The following ARHGAP10 variants were observed in gnomAD, a reference collection of about 807,000 sequenced individuals.
ARHGAP10 encodes Rho GTPase activating protein 10.
A neutral mutation model predicts 108.6 loss-of-function variants in ARHGAP10; 87 were observed. The observed-to-expected ratio is 0.80, with a 90% confidence interval of 0.67 to 0.96. ARHGAP10 has a LOEUF of 0.96. ARHGAP10 is among the 40% of genes least tolerant of loss of function. ARHGAP10 has a pLI of 0.00. For synonymous variants in ARHGAP10, 347 were observed against 341.1 expected, an observed-to-expected ratio of 1.02 and a Z score of -0.19; for missense variants, 939 against 954.5, an observed-to-expected ratio of 0.98 and a Z score of 0.21.
chr4:147,784,813 TATA>T (rs1560756912), intron 1 of ARHGAP10, among the ~76,000 whole-genome samples: 1 of 25,564 alleles, frequency 3.9e-5, no homozygotes, highest in African/African-American at 6.0e-5. Context: ...TATAATATAT[TATA>T]AAATATATAT....
At chr4:147,819,636 C>T (rs1446840982) in intron 1 of ARHGAP10, among the ~76,000 whole-genome samples, 7 of 152,118 alleles carry the variant, frequency 4.6e-5, no homozygotes, top group African/African-American at 1.7e-4. Context: ...CATGCTTCGC[C>T]TCCCGGGTTC....
intron 11 of ARHGAP10, 86 bp from the exon 12 acceptor site, chr4:147,909,646 T>A (rs1736652609): frequency 8.7e-7 from 1 of 1,149,322 alleles, no homozygotes; most frequent in Non-Finnish European, 1.3e-6. Context: ...AAATGTATTT[T>A]TTTTTGTATG....
intron 10 of ARHGAP10, among the ~76,000 whole-genome samples, chr4:147,896,104 A>T (rs1735984745): frequency 6.6e-6 from 1 of 152,176 alleles, no homozygotes; most frequent in African/African-American, 2.4e-5. Flanking sequence ...TACCTGCTTC[A>T]TCCATTTTGC....
intron 1 of ARHGAP10, among the ~76,000 whole-genome samples, chr4:147,747,144 G>A (rs1156571147): frequency 2.0e-5 from 3 of 152,004 alleles, no homozygotes; most frequent in South Asian, 2.1e-4. Flanking sequence ...AGACCCAAAC[G>A]GTCCTTCATC....
chr4:147,762,629 A>C (rs1358347872), intron 1 of ARHGAP10, among the ~76,000 whole-genome samples: 1 of 151,624 alleles, frequency 6.6e-6, no homozygotes, highest in Non-Finnish European at 1.5e-5. Flanking sequence ...TCCCGGGTTC[A>C]CGCCATTCTC....
chr4:147,822,952 ATT>A lies in ARHGAP10; in HGVS notation c.308_309del (p.Ile103AsnfsTer7). ...FLKNLEEQRE[I>X]MALSVTETLI... ...GAAGAATCTGGAGGAACAGAGAGAAATTATGGTGAGTTGAGAGGGGTGTAAAT... is the reference window on the plus strand; with the variant it reads ...GAAGAATCTGGAGGAACAGAGAGAAAATGGTGAGTTGAGAGGGGTGTAAAT... On this transcript the variant is annotated frameshift_variant, in exon 3 of 23. Transcript: ENST00000336498. LOFTEE classifies it high-confidence loss of function. 1 of 1,613,092 alleles carries A rather than the reference ATT, an allele frequency of 6.2e-7. No homozygotes were observed. The highest frequency in any genetic ancestry group is 2.2e-5 in the East Asian group (1 of 44,878).
intron 1 of ARHGAP10, among the ~76,000 whole-genome samples, chr4:147,766,833 T>G (rs1184431635): frequency 3.6e-5 from 4 of 109,888 alleles, no homozygotes; most frequent in African/African-American, 1.6e-4. Context: ...TATATATATA[T>G]ATATATTTAT....
At chr4:147,951,138 C>T (rs998914729) in intron 15 of ARHGAP10, among the ~76,000 whole-genome samples, 4 of 152,228 alleles carry the variant, frequency 2.6e-5, no homozygotes, top group African/African-American at 4.8e-5. Flanking sequence ...CCTAGCTAGA[C>T]ATATGGCAAT....
intron 18 of ARHGAP10, among the ~76,000 whole-genome samples, chr4:147,988,057 T>C: frequency 6.6e-6 from 1 of 152,248 alleles, no homozygotes; most frequent in East Asian, 1.9e-4. Context: ...GTTTACTCAG[T>C]GAGTTTGGTT....
chr4:147,965,002 ATTAT>A lies in ARHGAP10; in HGVS notation c.1451-20_1451-17del. On this transcript the variant is annotated intron_variant, in intron 16 of 22. Transcript: ENST00000336498. ...TTTCTTTTTCTTTATTTTTTTCTTT[ATTAT>A]TATTTTTTTTTTGGAAGAAAGCGGC... 1 of 1,477,830 alleles carries A rather than the reference ATTAT, an allele frequency of 6.8e-7. No homozygotes were observed. The highest frequency in any genetic ancestry group is 9.1e-7 in the Non-Finnish European group (1 of 1,102,766). The allele number at this position is 1,477,830 out of a possible 1,614,324, so 91.5% of individuals were successfully genotyped here. A position where few individuals can be genotyped will look rare whatever the true frequency, so the allele number is the denominator to read the frequency against.
chr4:147,962,454 C>T (rs1560847537), intron 16 of ARHGAP10, among the ~76,000 whole-genome samples: 1 of 152,122 alleles, frequency 6.6e-6, no homozygotes, highest in South Asian at 2.1e-4. Context: ...TTTCATTTTG[C>T]AGATGAGGGA....
chr4:148,004,547 A>G (rs1273682128), intron 18 of ARHGAP10, among the ~76,000 whole-genome samples: 3 of 152,024 alleles, frequency 2.0e-5, no homozygotes, highest in Non-Finnish European at 2.9e-5. Flanking sequence ...AAATTCTCCC[A>G]TTTGCTTGGA....
chr4:147,965,091 T>A lies in ARHGAP10; in HGVS notation c.1518T>A (p.Asn506Lys), dbSNP rs1472707165. The change falls in exon 17 of 23, where the codon AAT becomes AAA. Residue 506 changes from asparagine (N) to lysine (K), a missense_variant. Physicochemically the swap from Asn to Lys is moderately conservative, Grantham distance 94. Coordinates refer to ENST00000336498, the MANE Select transcript of ARHGAP10 (RefSeq NM_024605.4). ...TGGTACACAAACTGCCAGAGAAGAA[T>A]AAAGAGATGTTGGATATTTTGGTGA... ...HFLVHKLPEK[N>K]KEMLDILVKH... 1.2e-6 allele frequency: 2 copies of A among 1,607,520 alleles called. No homozygotes were observed. The highest frequency in any genetic ancestry group is 1.7e-6 in the Non-Finnish European group (2 of 1,176,642).
chr4:147,879,413 T>C (rs1735235152), intron 9 of ARHGAP10, 75 bp downstream of exon 9: 4 of 1,265,070 alleles, frequency 3.2e-6, no homozygotes, highest in South Asian at 1.5e-5. Flanking sequence ...TTTAATGGTT[T>C]ATATTTTAAT....
At chr4:147,858,973 T>C (rs905289600) in intron 5 of ARHGAP10, among the ~76,000 whole-genome samples, 1 of 152,180 alleles carries the variant, frequency 6.6e-6, no homozygotes, top group African/African-American at 2.4e-5. Flanking sequence ...AATCAGAGTG[T>C]GTCCACTTCT....
chr4:148,070,340 C>T (rs1057178411), intron 22 of ARHGAP10, among the ~76,000 whole-genome samples: 2 of 152,112 alleles, frequency 1.3e-5, no homozygotes, highest in African/African-American at 2.4e-5. Context: ...CATTCAGGCC[C>T]AAGGGAACAG....
Position 147,795,562 on chromosome 4 carries a change from C to G in ARHGAP10, c.155-27165C>G, listed in dbSNP as rs1731284232. Among the ~76,000 whole-genome samples, 3 of 152,074 alleles carry G rather than the reference C, an allele frequency of 2.0e-5. No homozygotes were observed. The South Asian group carries it at 6.2e-4, about 32-fold the overall frequency. On this transcript the variant is annotated intron_variant, in intron 1 of 22. Transcript: ENST00000336498. Reference sequence around the variant, plus strand: ...ACAAACGCAACTTCTGGAGTGTGAGCTCTTTGAAGGTAGGAGCTGTGTAGT... The same window carrying G: ...ACAAACGCAACTTCTGGAGTGTGAGGTCTTTGAAGGTAGGAGCTGTGTAGT...
intron 1 of ARHGAP10, among the ~76,000 whole-genome samples, chr4:147,782,154 G>A (rs1356446790): frequency 6.6e-6 from 1 of 152,216 alleles, no homozygotes; most frequent in African/African-American, 2.4e-5. Flanking sequence ...CCTGCAGAGA[G>A]ACTGAATCAT....
chr4:147,903,359 T>G (rs921646369), intron 10 of ARHGAP10, among the ~76,000 whole-genome samples: 2 of 152,192 alleles, frequency 1.3e-5, no homozygotes, highest in African/African-American at 4.8e-5. Flanking sequence ...GATAGAGATT[T>G]TCCTGATTCC....
Sources: allele counts gnomAD v4.1 joint callset (sites outside exome capture counted in the v4.1 genomes callset), GRCh38; gene constraint gnomAD v4.1.1; transcripts MANE v1.5; gene names NCBI Gene and HGNC (gene_info 2026-07-23, HGNC 2026-07-21).